MTA3: variants seen among roughly 807,000 people sequenced by gnomAD.
MTA3 encodes the protein metastasis associated 1 family member 3.
A neutral mutation model predicts 83.5 loss-of-function variants in MTA3; 34 were observed. The observed-to-expected ratio is 0.41, with a 90% CI of 0.31 to 0.54. The LOEUF (loss-of-function observed/expected upper bound fraction) is 0.54. Among genes scored for constraint, MTA3 ranks in the 20% least tolerant of loss-of-function variants. The probability of loss-of-function intolerance (pLI) is 0.33; values close to 1 mark genes in which losing one functional copy is unlikely to be tolerated. For missense variants in MTA3, 761 were observed against 726.4 expected (o/e 1.05, Z -0.55); for synonymous variants, 303 against 252.7 (o/e 1.20, Z -1.89).
chr2:42,537,632 G>C (rs1676307179), intron 2 of MTA3, among the ~76,000 whole-genome samples: 1 of 152,100 alleles, frequency 6.6e-6, no homozygotes, highest in Admixed American at 6.6e-5. Flanking sequence ...GAAGTGCTGG[G>C]AAATGGTTCT....
At chr2:42,643,153 C>G (rs1200934983) in intron 5 of MTA3, among the ~76,000 whole-genome samples, 1 of 148,998 alleles carries the variant, frequency 6.7e-6, no homozygotes, top group Non-Finnish European at 1.5e-5. Context: ...GTTTTTTTTC[C>G]CTTTCCCCTT....
chr2:42,558,193 T>A (rs1677490463), intron 2 of MTA3, among the ~76,000 whole-genome samples: 1 of 151,614 alleles, frequency 6.6e-6, no homozygotes, highest in Non-Finnish European at 1.5e-5. Flanking sequence ...GATCACTACC[T>A]GCATAGTTCT....
intron 4 of MTA3, among the ~76,000 whole-genome samples, chr2:42,622,189 G>C (rs576695379): frequency 6.6e-6 from 1 of 152,188 alleles, no homozygotes. Context: ...GATCACTCGC[G>C]GTTAGGAGCT....
chr2:42,579,165 C>G lies in MTA3; in HGVS notation c.155C>G (p.Ser52Cys), dbSNP rs751151033. Residue 52 changes from serine to cysteine, a missense_variant, in exon 3 of 17, where the codon TCC becomes TGC. Physicochemically the swap from Ser to Cys is moderately radical, Grantham distance 112. Transcript: ENST00000405094. ...TGCTTTTATAGACGACGTGATATTT[C>G]CAACACACTTATAATGCTCGCAGAT... ...VVCFYRRRDISNTLIMLADKH... is the reference protein window; with the variant it reads ...VVCFYRRRDICNTLIMLADKH... The G allele has an allele frequency of 1.2e-6, 2 of 1,606,820 alleles. No homozygotes were observed. Among genetic ancestry groups the G allele is most frequent in the Non-Finnish European group, 1.7e-6 (2 of 1,176,862 alleles).
At position 42,748,195 on chromosome 2, in the gene MTA3, ATGTGTTTG is replaced by A. The variant is rs1481380374; in HGVS notation, c.1760-5173_1760-5166del. 6.9e-4 allele frequency among the ~76,000 whole-genome samples: 40 copies of A among 57,590 alleles called. 1 individual carries two copies. The highest frequency in any genetic ancestry group is 3.0e-3 in the African/African-American group (38 of 12,762). The allele number at this position is 57,590 out of a possible 152,430, so 37.8% of individuals were successfully genotyped here. On this transcript the variant is annotated intron_variant, in intron 16 of 16. Coordinates refer to ENST00000405094, the MANE Select transcript of MTA3 (RefSeq NM_001330442.2). ...AGGCATGTGCCATCACATCCAGCTA[ATGTGTTTG>A]TGTGTGTGTGTGTGTGTGTGTGTGT...
At chr2:42,640,811 A>G (rs566356754) in intron 5 of MTA3, among the ~76,000 whole-genome samples, 3 of 152,318 alleles carry the variant, frequency 2.0e-5, no homozygotes, top group African/African-American at 7.2e-5. Context: ...AAGCAACATC[A>G]TTTGTATGGT....
At chr2:42,752,249 G>A (rs1433663374) in intron 16 of MTA3, 1 of 471,446 alleles carries the variant, frequency 2.1e-6, no homozygotes, top group Admixed American at 2.3e-5. Flanking sequence ...CTCATGAAGT[G>A]AAGACACAGC....
chr2:42,585,469 T>C (rs1459199920), intron 3 of MTA3, among the ~76,000 whole-genome samples: 4 of 146,192 alleles, frequency 2.7e-5, no homozygotes, highest in Non-Finnish European at 4.5e-5. Context: ...TCTTTTTTCT[T>C]TCTTTTCTTT....
At chr2:42,594,827 C>T (rs1483527113) in intron 3 of MTA3, among the ~76,000 whole-genome samples, 3 of 141,190 alleles carry the variant, frequency 2.1e-5, no homozygotes, top group East Asian at 2.1e-4. Flanking sequence ...CCTGGGTTCA[C>T]GCCATTCTCC....
Position 42,737,461 on chromosome 2 carries a change from C to A in MTA3, c.1759+14426C>A, listed in dbSNP as rs551956328. 2.2e-4 allele frequency among the ~76,000 whole-genome samples: 33 copies of A among 152,250 alleles called. 1 individual carries two copies. The South Asian group carries it at 6.6e-3, about 31-fold the overall frequency. ...AATCACTGTGTTCTCCCTCCCTCTT[C>A]CCTTCCCTCTTCAGTGCCTGTTTTC... On this transcript the variant is annotated intron_variant, in intron 16 of 16. Coordinates refer to ENST00000405094, the MANE Select transcript of MTA3 (RefSeq NM_001330442.2).
At chr2:42,746,649 T>C (rs1669457890) in intron 16 of MTA3, among the ~76,000 whole-genome samples, 2 of 152,134 alleles carry the variant, frequency 1.3e-5, no homozygotes, top group Non-Finnish European at 2.9e-5. Context: ...CACAACCCCC[T>C]CCTTGGGTTC....
intron 2 of MTA3, among the ~76,000 whole-genome samples, chr2:42,549,298 G>A (rs1218280697): frequency 4.5e-5 from 4 of 88,610 alleles, no homozygotes; most frequent in Non-Finnish European, 6.4e-5. Context: ...TAATGTATAT[G>A]TACACGTATA....
intron 3 of MTA3, among the ~76,000 whole-genome samples, chr2:42,584,816 G>A (rs924854285): frequency 6.6e-6 from 1 of 152,070 alleles, no homozygotes; most frequent in South Asian, 2.1e-4. Context: ...GCAGTGAGCT[G>A]TGTTCGTGCC....
chr2:42,517,127 G>A (rs1212820343), intron 2 of MTA3, among the ~76,000 whole-genome samples: 1 of 152,124 alleles, frequency 6.6e-6, no homozygotes, highest in African/African-American at 2.4e-5. Flanking sequence ...GGGTGTGGTG[G>A]TGCATGCCTG....
At chr2:42,627,046 C>T (rs1317357100) in intron 4 of MTA3, among the ~76,000 whole-genome samples, 5 of 152,146 alleles carry the variant, frequency 3.3e-5, no homozygotes, top group East Asian at 1.9e-4. Context: ...CAGCCATCTC[C>T]CTTTATACAT....
chr2:42,524,540 G>A (rs1461339558), intron 2 of MTA3, among the ~76,000 whole-genome samples: 1 of 141,900 alleles, frequency 7.0e-6, no homozygotes, highest in East Asian at 2.1e-4. Context: ...TAGCCAGGAT[G>A]GTCTCAATCT....
intron 2 of MTA3, among the ~76,000 whole-genome samples, chr2:42,553,052 G>A (rs1677193351): frequency 6.6e-6 from 1 of 151,960 alleles, no homozygotes; most frequent in African/African-American, 2.4e-5. Flanking sequence ...CGAGGCAAGA[G>A]GATTGCTTGA....
At chr2:42,718,883 C>A in intron 14 of MTA3, 105 bp from the exon 15 acceptor site, 1 of 760,556 alleles carries the variant, frequency 1.3e-6, no homozygotes, top group Non-Finnish European at 2.1e-6. Context: ...AATCTGGTGG[C>A]TATTTTGTAC....
At chr2:42,704,451 A>G in intron 12 of MTA3, 133 bp downstream of exon 12, 5 of 1,011,990 alleles carry the variant, frequency 4.9e-6, no homozygotes, top group Non-Finnish European at 5.8e-6. Flanking sequence ...AAATGAGTAG[A>G]TGCCCCTCCT....
Sources: gnomAD v4.1 joint callset for allele counts (sites outside exome capture counted in the v4.1 genomes callset) on GRCh38, gnomAD v4.1.1 for gene constraint, MANE v1.5 for transcripts, NCBI Gene and HGNC (gene_info 2026-07-23, HGNC 2026-07-21) for gene names.